WDR64: variants seen among roughly 807,000 people sequenced by gnomAD.
WDR64 encodes the protein WD repeat domain 64, also known as WD repeat-containing protein 64.
In WDR64, 112 loss-of-function variants were observed where a neutral mutation model predicts 139.3. That is an observed-to-expected ratio of 0.80 (90% CI 0.69 to 0.94). WDR64 has a LOEUF of 0.94. Among genes scored for constraint, WDR64 ranks in the 40% least tolerant of loss-of-function variants. The pLI, the probability that WDR64 is intolerant of heterozygous loss-of-function variation, is 0.00. For missense variants in WDR64, 1,206 were observed against 1,293.1 expected, an observed-to-expected ratio of 0.93 and a Z score of 1.03; for synonymous variants, 444 against 437.7, an observed-to-expected ratio of 1.01 and a Z score of -0.18.
chr1:241,655,792 T>A (rs1400030445), intron 1 of WDR64, among the ~76,000 whole-genome samples: 12 of 151,982 alleles, frequency 7.9e-5, no homozygotes, highest in Admixed American at 7.9e-4. Flanking sequence ...TTCTGAACTT[T>A]CCCTAAGCAA....
chr1:241,672,653 T>A (rs1219627452), intron 3 of WDR64, among the ~76,000 whole-genome samples: 2 of 152,116 alleles, frequency 1.3e-5, no homozygotes, highest in African/African-American at 4.8e-5. Flanking sequence ...CAGATGGTAA[T>A]ACACACTATA....
intron 11 of WDR64, among the ~76,000 whole-genome samples, chr1:241,740,467 C>A (rs1669494120): frequency 6.6e-6 from 1 of 152,134 alleles, no homozygotes; most frequent in Non-Finnish European, 1.5e-5. Context: ...CAGGTTTTAT[C>A]TTAAAATTTA....
chr1:241,658,519 G>C (rs940650416), intron 1 of WDR64, among the ~76,000 whole-genome samples: 6 of 151,396 alleles, frequency 4.0e-5, no homozygotes, highest in South Asian at 2.1e-4. Flanking sequence ...GGTGCCTGTA[G>C]TCCCAGCTAC....
intron 2 of WDR64, among the ~76,000 whole-genome samples, chr1:241,668,937 C>G (rs1435056292): frequency 6.6e-6 from 1 of 151,784 alleles, no homozygotes; most frequent in Non-Finnish European, 1.5e-5. Context: ...GCCTACTGTT[C>G]TCATTAGAGG....
chr1:241,738,532 T>C lies in WDR64; in HGVS notation c.1321+43T>C, dbSNP rs536986355. ...ATGTCAAACGAAACTCATGTCTTGA[T>C]TTTTAACCTTTTTTTAAACTAGCAC... On this transcript the variant is annotated intron_variant, in intron 11 of 27. Coordinates refer to ENST00000437684, the MANE Select transcript of WDR64 (RefSeq NM_001367482.1). 4 of 1,562,652 alleles carry C rather than the reference T, an allele frequency of 2.6e-6. No individual in the cohort carries two copies. The African/African-American group carries it at 4.1e-5, about 16-fold the overall frequency.
intron 2 of WDR64, among the ~76,000 whole-genome samples, chr1:241,662,848 G>A (rs1047377953): frequency 6.6e-6 from 1 of 152,014 alleles, no homozygotes; most frequent in African/African-American, 2.4e-5. Context: ...ACTAATCTTC[G>A]ACACTTTATT....
chr1:241,757,561 G>T, intron 15 of WDR64, 102 bp downstream of exon 15: 3 of 1,046,618 alleles, frequency 2.9e-6, no homozygotes, highest in South Asian at 2.1e-5. Flanking sequence ...GCTTCTATGT[G>T]TTATCACTCA....
chr1:241,781,544 C>A (rs1460851311), intron 22 of WDR64, among the ~76,000 whole-genome samples: 1 of 152,212 alleles, frequency 6.6e-6, no homozygotes, highest in African/African-American at 2.4e-5. Flanking sequence ...ATCTTGTTCT[C>A]TCCCGATATT....
At chr1:241,758,043 T>C (rs979245473) in intron 15 of WDR64, among the ~76,000 whole-genome samples, 1 of 152,182 alleles carries the variant, frequency 6.6e-6, no homozygotes, top group Admixed American at 6.5e-5. Flanking sequence ...TTGCATTTGG[T>C]TGGAAAAACC....
At chr1:241,695,580 A>C (rs1407366721) in intron 8 of WDR64, among the ~76,000 whole-genome samples, 1 of 152,228 alleles carries the variant, frequency 6.6e-6, no homozygotes, top group Admixed American at 6.5e-5. Flanking sequence ...AAAAGGGAGT[A>C]ATAAACGATA....
Position 241,783,337 on chromosome 1 carries a change from A to G in WDR64, c.2661A>G (p.Glu887=). 1 of 1,614,112 alleles carries G rather than the reference A, an allele frequency of 6.2e-7. No homozygotes were observed. Among genetic ancestry groups the G allele is most frequent in the South Asian group, 1.1e-5 (1 of 91,052 alleles). ...SLEIIQVIYV[E]EKQVVLTASI... ...AAATTATTCAAGTAATCTATGTAGA[A>G]GAAAAACAAGTGGTACTTACTGCCT... is the stretch of plus-strand genomic sequence containing the variant. The change falls in exon 23 of 28, where the codon GAA becomes GAG. Residue 887 remains glutamate (E), a synonymous_variant. Coordinates refer to ENST00000437684, the MANE Select transcript of WDR64 (RefSeq NM_001367482.1).
At chr1:241,689,869 T>G (rs555937977) in intron 8 of WDR64, among the ~76,000 whole-genome samples, 1 of 151,614 alleles carries the variant, frequency 6.6e-6, no homozygotes, top group Admixed American at 6.6e-5. Context: ...AAAGAATTTA[T>G]AGAAGATTCA....
In WDR64 at chr1:241,674,300, C is replaced by G. The variant is rs185747886; in HGVS notation, c.380-344C>G. ...TTGAGACAGGGTCTCGCTCTGTCAC[C>G]CAGGCTGGAGTGCAGTGGTGCAATC... On this transcript the variant is annotated intron_variant, in intron 3 of 27. Transcript: ENST00000437684. 2.0e-3 allele frequency among the ~76,000 whole-genome samples: 281 copies of G among 137,394 alleles called. 5 individuals are homozygous for G. The East Asian group carries it at 0.021, about 10-fold the overall frequency. 90.1% of individuals were successfully genotyped at this position (137,394 alleles called of 152,430 possible). A position where few individuals can be genotyped will look rare whatever the true frequency, so the allele number is the denominator to read the frequency against.
intron 10 of WDR64, among the ~76,000 whole-genome samples, chr1:241,736,284 G>A (rs1669321250): frequency 6.6e-6 from 1 of 152,044 alleles, no homozygotes; most frequent in Non-Finnish European, 1.5e-5. Context: ...TCTTGCTTTG[G>A]AGCCCTGCTG....
chr1:241,727,064 T>G (rs1452448090), intron 10 of WDR64, among the ~76,000 whole-genome samples: 19 of 152,066 alleles, frequency 1.2e-4, no homozygotes, highest in Admixed American at 1.2e-3. Context: ...TTTTTGTATT[T>G]TTAGTAGAGA....
chr1:241,675,199 T>C (rs1303024545), intron 4 of WDR64, among the ~76,000 whole-genome samples: 1 of 42,284 alleles, frequency 2.4e-5, no homozygotes, highest in Non-Finnish European at 4.2e-5. Context: ...TCCTCCCAAC[T>C]TCCCTCCCTT....
chr1:241,793,038 T>G (rs552745539), intron 25 of WDR64, among the ~76,000 whole-genome samples: 3 of 152,194 alleles, frequency 2.0e-5, no homozygotes, highest in Non-Finnish European at 2.9e-5. Context: ...TGGAATACTA[T>G]AGACCTGTGA....
At chr1:241,724,783 T>C (rs1187260142) in intron 10 of WDR64, among the ~76,000 whole-genome samples, 1 of 152,234 alleles carries the variant, frequency 6.6e-6, no homozygotes. Context: ...CTGTAAATTA[T>C]AATAACTACC....
chr1:241,712,547 C>T (rs1668215669), intron 9 of WDR64, among the ~76,000 whole-genome samples: 1 of 152,042 alleles, frequency 6.6e-6, no homozygotes, highest in Non-Finnish European at 1.5e-5. Context: ...GAGCCTGGGC[C>T]CTGGAGTCAG....
Sources: gnomAD v4.1 joint callset for allele counts (sites outside exome capture counted in the v4.1 genomes callset) on GRCh38, gnomAD v4.1.1 for gene constraint, MANE v1.5 for transcripts, NCBI Gene and HGNC (gene_info 2026-07-23, HGNC 2026-07-21) for gene names.